EDIL3: variants seen among roughly 807,000 people sequenced by gnomAD.
EDIL3 encodes the protein EGF like and discoidin domains 3, also known as EGF-like repeat and discoidin I-like domain-containing protein 3.
In EDIL3, 37 loss-of-function variants were observed where a neutral mutation model predicts 67.4. That is an observed-to-expected ratio of 0.55 (90% CI 0.42 to 0.72). The LOEUF (loss-of-function observed/expected upper bound fraction) is 0.72. EDIL3 is among the 30% of genes least tolerant of loss of function. EDIL3 has a pLI of 0.00. For missense variants in EDIL3, 527 were observed against 586.3 expected, an observed-to-expected ratio of 0.90 and a Z score of 1.04; for synonymous variants, 195 against 196.3, an observed-to-expected ratio of 0.99 and a Z score of 0.05.
chr5:84,277,045 A>G (rs971949817), intron 1 of EDIL3, among the ~76,000 whole-genome samples: 10 of 152,180 alleles, frequency 6.6e-5, no homozygotes, highest in Admixed American at 3.3e-4. Context: ...CCTTAACACC[A>G]GTAGTCTATA....
intron 9 of EDIL3, among the ~76,000 whole-genome samples, chr5:84,037,966 T>C (rs1746049439): frequency 6.7e-6 from 1 of 149,916 alleles, no homozygotes. Flanking sequence ...GCTGGGATTC[T>C]CTTTTCTTTT....
intron 4 of EDIL3, among the ~76,000 whole-genome samples, chr5:84,146,644 G>A (rs1329385437): frequency 6.6e-6 from 1 of 151,978 alleles, no homozygotes; most frequent in South Asian, 2.1e-4. Flanking sequence ...GGTTTAATGG[G>A]CATTTGTTCC....
intron 4 of EDIL3, among the ~76,000 whole-genome samples, chr5:84,160,114 ACTACTCCTTCTTCAGAACCTTT>A (rs1314526041): frequency 6.6e-6 from 1 of 152,164 alleles, no homozygotes; most frequent in Non-Finnish European, 1.5e-5. Flanking sequence ...TTGTAGAACT[ACTACTCCTTCTTCAGAACCTTT>A]GTACTGGTTT....
intron 6 of EDIL3, among the ~76,000 whole-genome samples, chr5:84,103,094 A>G (rs185748892): frequency 6.6e-6 from 1 of 152,146 alleles, no homozygotes; most frequent in Non-Finnish European, 1.5e-5. Context: ...ATCCTCCACA[A>G]AGCTGACAAA....
chr5:84,123,240 T>C (rs548661148), intron 5 of EDIL3, among the ~76,000 whole-genome samples: 85 of 152,128 alleles, frequency 5.6e-4, no homozygotes, highest in African/African-American at 1.9e-3. Context: ...ATTAGTCTGA[T>C]TTAGCATTAA....
Position 84,106,702 on chromosome 5 carries a change from C to T in EDIL3, c.598G>A (p.Gly200Arg), listed in dbSNP as rs1203471738. 2 of 1,612,188 alleles carry T rather than the reference C, an allele frequency of 1.2e-6. No homozygotes were observed. Among genetic ancestry groups the T allele is most frequent in the African/African-American group, 1.3e-5 (1 of 74,808 alleles). Residue 200 changes from glycine (G) to arginine (R), a missense_variant, in exon 6 of 11, where the codon GGG (glycine) becomes AGG (arginine). Gly to Arg is a moderately radical substitution (Grantham distance 125, BLOSUM62 -2). This residue lies in a region of EDIL3 where 494 missense variants were observed against 522.5 expected (regional missense o/e 0.95). Coordinates refer to ENST00000296591, the MANE Select transcript of EDIL3 (RefSeq NM_005711.5). Reference sequence around the variant, plus strand: ...GCAGCTGTCCACGCATTTATAAGCCCCTTCTTATTAAGACGTGCATAGTAG... The same window carrying T: ...GCAGCTGTCCACGCATTTATAAGCCTCTTCTTATTAAGACGTGCATAGTAG... Reference protein sequence around the residue: ...YPYYARLNKKGLINAWTAAEN... With the variant: ...YPYYARLNKKRLINAWTAAEN...
chr5:84,340,534 C>CTCTCTCTCTCTCTCTCTA (rs1432966515), intron 1 of EDIL3, among the ~76,000 whole-genome samples: 7 of 54,206 alleles, frequency 1.3e-4, no homozygotes, highest in Admixed American at 7.5e-4. Flanking sequence ...CTCTCTCTCT[C>CTCTCTCTCTCTCTCTCTA]TATATATATA....
chr5:84,252,746 C>T (rs1009309785), intron 2 of EDIL3, among the ~76,000 whole-genome samples: 15 of 151,904 alleles, frequency 9.9e-5, no homozygotes, highest in African/African-American at 3.4e-4. Context: ...ACAGACTTTC[C>T]TGAGGATATG....
At chr5:84,367,579 C>A (rs557666880) in intron 1 of EDIL3, among the ~76,000 whole-genome samples, 7 of 152,006 alleles carry the variant, frequency 4.6e-5, no homozygotes, top group Non-Finnish European at 1.0e-4. Flanking sequence ...GTCAGGAGTA[C>A]AAGACTAGCC....
chr5:84,342,396 A>G (rs1433484499), intron 1 of EDIL3, among the ~76,000 whole-genome samples: 2 of 152,048 alleles, frequency 1.3e-5, no homozygotes, highest in East Asian at 3.9e-4. Context: ...TTAGAATGAC[A>G]GACAATGGAG....
intron 1 of EDIL3, among the ~76,000 whole-genome samples, chr5:84,334,739 T>G: frequency 6.6e-6 from 1 of 152,176 alleles, no homozygotes; most frequent in East Asian, 1.9e-4. Flanking sequence ...ATCTTTTGCC[T>G]CAAATATTAT....
intron 1 of EDIL3, among the ~76,000 whole-genome samples, chr5:84,292,528 A>G (rs1745944190): frequency 6.6e-6 from 1 of 152,184 alleles, no homozygotes; most frequent in Admixed American, 6.5e-5. Context: ...ACCAACAGCA[A>G]TGATACAAAC....
intron 9 of EDIL3, among the ~76,000 whole-genome samples, chr5:84,054,239 C>T (rs1312296249): frequency 6.6e-6 from 1 of 152,140 alleles, no homozygotes; most frequent in East Asian, 1.9e-4. Context: ...GCAGAAAAGG[C>T]CTTTGACAAA....
intron 1 of EDIL3, among the ~76,000 whole-genome samples, chr5:84,374,763 G>C (rs1747930902): frequency 6.6e-6 from 1 of 152,066 alleles, no homozygotes; most frequent in Non-Finnish European, 1.5e-5. Flanking sequence ...TAGTGAGTAA[G>C]TTCTCAGGAG....
At chr5:84,193,253 G>T (rs569445759) in intron 3 of EDIL3, among the ~76,000 whole-genome samples, 1 of 152,036 alleles carries the variant, frequency 6.6e-6, no homozygotes, top group South Asian at 2.1e-4. Context: ...TACTTGTCCA[G>T]GCGAAGTGTG....
At chr5:84,350,797 A>G (rs560513323) in intron 1 of EDIL3, among the ~76,000 whole-genome samples, 1 of 152,112 alleles carries the variant, frequency 6.6e-6, no homozygotes, top group Non-Finnish European at 1.5e-5. Flanking sequence ...GCAATTTTAA[A>G]TTTTCTAGTA....
intron 9 of EDIL3, among the ~76,000 whole-genome samples, chr5:83,963,682 A>T (rs1744644552): frequency 6.9e-6 from 1 of 144,192 alleles, no homozygotes. Flanking sequence ...TGTAACTGAG[A>T]TAGAACAGAT....
At chr5:84,160,117 ACTC>A (rs1748576830) in intron 4 of EDIL3, among the ~76,000 whole-genome samples, 2 of 151,918 alleles carry the variant, frequency 1.3e-5, no homozygotes, top group Non-Finnish European at 2.9e-5. Flanking sequence ...TAGAACTACT[ACTC>A]CTTCTTCAGA....
chr5:84,066,448 T>C lies in EDIL3; in HGVS notation c.807+3A>G, dbSNP rs1448226070. ...TAAATTAAGTAGGTTAAATTATTCT[T>C]ACCATGTCTTCATTGGTGCCTTTCA... On this transcript the variant is annotated splice_donor_region_variant and intron_variant, in intron 7 of 10. Transcript: ENST00000296591. 5 of 1,591,874 alleles carry C rather than the reference T, an allele frequency of 3.1e-6. No homozygotes were observed. The highest frequency in any genetic ancestry group is 4.3e-6 in the Non-Finnish European group (5 of 1,174,336).
Sources: gnomAD v4.1 joint callset for allele counts (sites outside exome capture counted in the v4.1 genomes callset) on GRCh38, gnomAD v4.1.1 for gene constraint, gnomAD v4.1.1 regional missense constraint, MANE v1.5 for transcripts, NCBI Gene and HGNC (gene_info 2026-07-23, HGNC 2026-07-21) for gene names.